Variants in UGT1A10 observed in about 807,000 individuals in gnomAD.
The protein encoded by UGT1A10 is UDP-glucuronosyltransferase 1A10.
Under a neutral mutation model 45.8 loss-of-function variants are expected in UGT1A10, and 49 were observed. The observed-to-expected ratio is 1.07, with a 90% CI of 0.85 to 1.36. The LOEUF (loss-of-function observed/expected upper bound fraction) is 1.36, where lower values mean the gene tolerates loss of function less well. Among genes scored for constraint, UGT1A10 ranks in the 40% most tolerant of loss-of-function variants. The probability of loss-of-function intolerance (pLI) is 0.00; values close to 1 mark genes in which losing one functional copy is unlikely to be tolerated. For missense variants in UGT1A10, 745 were observed against 668.6 expected (o/e 1.11, Z -1.26); for synonymous variants, 284 against 249.7 (o/e 1.14, Z -1.29).
chr2:233,693,063 T>C, intron 1 of UGT1A10: 1 of 1,614,188 alleles, frequency 6.2e-7, no homozygotes, highest in Admixed American at 1.7e-5. Context: ...TTCTTAGCAC[T>C]TTGGGGCATG....
intron 1 of UGT1A10, chr2:233,718,019 C>T: frequency 2.6e-6 from 1 of 391,762 alleles, no homozygotes; most frequent in Non-Finnish European, 5.1e-6. Flanking sequence ...GGCTCCAGCT[C>T]CCCAGGTCCT....
At chr2:233,672,639 C>T (rs2074233943) in intron 1 of UGT1A10, 2 of 1,613,896 alleles carry the variant, frequency 1.2e-6, no homozygotes, top group Admixed American at 1.7e-5. Context: ...CTGAAATTCT[C>T]CAAACACCTG....
At chr2:233,647,244 G>A (rs2073629262) in intron 1 of UGT1A10, among the ~76,000 whole-genome samples, 1 of 152,156 alleles carries the variant, frequency 6.6e-6, no homozygotes, top group South Asian at 2.1e-4. Flanking sequence ...TTCAAGATGA[G>A]CTTTGGGTGG....
chr2:233,747,345 C>G (rs905208353), intron 1 of UGT1A10: 1 of 1,602,430 alleles, frequency 6.2e-7, no homozygotes, highest in Admixed American at 1.7e-5. Context: ...GGCTCGCATG[C>G]GGGAGGCCGT....
chr2:233,705,257 T>C (rs2075836592), intron 1 of UGT1A10, among the ~76,000 whole-genome samples: 1 of 152,236 alleles, frequency 6.6e-6, no homozygotes, highest in Admixed American at 6.5e-5. Flanking sequence ...GATTATTCTA[T>C]GGGGTCACTT....
At chr2:233,764,915 C>T (rs892234743) in intron 1 of UGT1A10, among the ~76,000 whole-genome samples, 15 of 152,136 alleles carry the variant, frequency 9.9e-5, no homozygotes, top group East Asian at 1.9e-4. Context: ...AGAGGACTCA[C>T]GAGGGCCTGG....
intron 1 of UGT1A10, chr2:233,760,989 C>T: frequency 6.2e-7 from 1 of 1,614,198 alleles, no homozygotes; most frequent in Non-Finnish European, 8.5e-7. Context: ...CAACCCTTGC[C>T]TCAGAATTCC....
intron 1 of UGT1A10, chr2:233,753,738 G>A (rs1695291371): frequency 6.6e-6 from 1 of 152,194 alleles, no homozygotes. Flanking sequence ...CCCAAGCACA[G>A]CAATAGGACA....
At chr2:233,661,148 A>T (rs2073955441) in intron 1 of UGT1A10, among the ~76,000 whole-genome samples, 1 of 149,566 alleles carries the variant, frequency 6.7e-6, no homozygotes, top group South Asian at 2.1e-4. Context: ...CTATGGATGT[A>T]ATGACTCTAG....
At chr2:233,686,829 CT>C (rs2074807252) in intron 1 of UGT1A10, among the ~76,000 whole-genome samples, 1 of 152,156 alleles carries the variant, frequency 6.6e-6, no homozygotes, top group South Asian at 2.1e-4. Flanking sequence ...TTTTATTCCT[CT>C]TTTCTATCTC....
chr2:233,682,896 T>C (rs2074606166), intron 1 of UGT1A10: 1 of 1,507,006 alleles, frequency 6.6e-7, no homozygotes. Flanking sequence ...CCATTTGGAA[T>C]TTCTTTCTGG....
chr2:233,649,275 A>G (rs921214596), intron 1 of UGT1A10, among the ~76,000 whole-genome samples: 1 of 152,206 alleles, frequency 6.6e-6, no homozygotes, highest in Admixed American at 6.5e-5. Context: ...ATTTTGAAAC[A>G]GAGTATTGCT....
chr2:233,745,133 G>A (rs1291736176), intron 1 of UGT1A10, among the ~76,000 whole-genome samples: 1 of 151,810 alleles, frequency 6.6e-6, no homozygotes, highest in East Asian at 1.9e-4. Flanking sequence ...CTGCAGATGT[G>A]AAGCCCAAGT....
chr2:233,691,520 C>G, intron 1 of UGT1A10: 4 of 985,704 alleles, frequency 4.1e-6, no homozygotes, highest in Non-Finnish European at 4.8e-6. Flanking sequence ...GCCAGGTGTG[C>G]ATGACTAGCT....
intron 1 of UGT1A10, among the ~76,000 whole-genome samples, chr2:233,665,986 G>T (rs182102297): frequency 4.7e-4 from 72 of 152,270 alleles, no homozygotes; most frequent in African/African-American, 1.7e-3. Flanking sequence ...AATACCTGAG[G>T]TTGGTTAATT....
intron 1 of UGT1A10, chr2:233,690,498 A>G: frequency 7.8e-7 from 1 of 1,289,738 alleles, no homozygotes; most frequent in Non-Finnish European, 1.0e-6. Flanking sequence ...GCTCTTGCCA[A>G]CAGAGATTTG....
intron 1 of UGT1A10, among the ~76,000 whole-genome samples, chr2:233,734,449 A>ATTTTGTTGATC (rs2078526533): frequency 6.6e-6 from 1 of 150,978 alleles, no homozygotes; most frequent in Admixed American, 6.6e-5. Context: ...AGGTCTATCA[A>ATTTTGTTGATC]TTTTCAAAAT....
chr2:233,680,451 G>T (rs17863777), intron 1 of UGT1A10, among the ~76,000 whole-genome samples: 1,847 of 152,270 alleles, frequency 0.012, 17 homozygotes, highest in Admixed American at 0.02. Context: ...AAGTGACTAA[G>T]CAAATGTCTA....
intron 1 of UGT1A10, among the ~76,000 whole-genome samples, chr2:233,659,654 C>T (rs1006613454): frequency 2.6e-5 from 4 of 151,986 alleles, no homozygotes; most frequent in East Asian, 1.9e-4. Flanking sequence ...GAGAGGCAGG[C>T]GCACTCGATT....
Sources: allele counts gnomAD v4.1 joint callset (sites outside exome capture counted in the v4.1 genomes callset), GRCh38; gene constraint gnomAD v4.1.1; transcripts MANE v1.5; gene names NCBI Gene and HGNC (gene_info 2026-07-23, HGNC 2026-07-21).